Variants in PARP11 observed in about 807,000 individuals in gnomAD.
PARP11 encodes protein mono-ADP-ribosyltransferase PARP11.
In PARP11, 31 loss-of-function variants were observed where a neutral mutation model predicts 42.9. That is an observed-to-expected ratio of 0.72 (90% confidence interval 0.54 to 0.98). The LOEUF is 0.98. Ranked by LOEUF, PARP11 falls within the 50% of genes least tolerant of loss-of-function variation. The probability of loss-of-function intolerance (pLI) is 0.00; values close to 1 mark genes in which losing one functional copy is unlikely to be tolerated. For missense variants in PARP11, 365 were observed against 413.1 expected (o/e 0.88, Z 1.01); for synonymous variants, 137 against 127.3 (o/e 1.08, Z -0.51).
chr12:3,840,776 A>G lies in PARP11; in HGVS notation c.19-10758T>C, dbSNP rs1947869807. On this transcript the variant is annotated intron_variant, in intron 1 of 7. Transcript: ENST00000228820. The surrounding 1 kb of genome is among the most constrained non-coding windows in gnomAD (Gnocchi z 4.4). ...AGACCCGAACCAAGCATATTGGAGA[A>G]TATTACTGATGATAAATATGCAACA... 6.5e-7 allele frequency: 1 copy of G among 1,543,918 alleles called. No homozygotes were observed.
At chr12:3,839,250 C>T (rs1283589355) in intron 1 of PARP11, among the ~76,000 whole-genome samples, 1 of 150,974 alleles carries the variant, frequency 6.6e-6, no homozygotes, top group African/African-American at 2.4e-5. Flanking sequence ...CAGCCGGCGG[C>T]CTGGCCATGT....
chr12:3,829,335 G>A (rs1463014285), intron 2 of PARP11, among the ~76,000 whole-genome samples: 2 of 152,090 alleles, frequency 1.3e-5, no homozygotes, highest in African/African-American at 4.8e-5. Flanking sequence ...TACTTTCTAA[G>A]TGGCTCAAGT....
intron 1 of PARP11, among the ~76,000 whole-genome samples, chr12:3,838,437 G>T (rs560665620): frequency 8.6e-5 from 13 of 152,006 alleles, no homozygotes; most frequent in Admixed American, 2.0e-4. Flanking sequence ...AAATCTATGG[G>T]ATACAACAAA....
chr12:3,871,014 TAAG>T (rs1375088593), intron 1 of PARP11, among the ~76,000 whole-genome samples: 6 of 152,202 alleles, frequency 3.9e-5, no homozygotes, highest in African/African-American at 1.4e-4. Context: ...TCGAAAATAC[TAAG>T]ATGATGACTA....
chr12:3,839,380 G>C, intron 1 of PARP11: 3 of 1,551,586 alleles, frequency 1.9e-6, no homozygotes, highest in Non-Finnish European at 2.6e-6. Context: ...GCCCATGGAC[G>C]CCTATCTGCG....
chr12:3,822,184 A>G (rs1294195597), intron 4 of PARP11, 27 bp from the exon 5 acceptor site: 26 of 1,563,402 alleles, frequency 1.7e-5, no homozygotes, highest in Admixed American at 1.4e-4. Context: ...AGAAAACAAA[A>G]TATCAGAAGC....
chr12:3,842,995 C>T (rs138367999), intron 1 of PARP11, among the ~76,000 whole-genome samples: 122 of 152,290 alleles, frequency 8.0e-4, no homozygotes, highest in Middle Eastern at 3.4e-3. Flanking sequence ...TAGTCATAAA[C>T]TGGGCTCAGA....
intron 1 of PARP11, among the ~76,000 whole-genome samples, chr12:3,842,881 A>T (rs1947922425): frequency 6.6e-6 from 1 of 152,244 alleles, no homozygotes; most frequent in Non-Finnish European, 1.5e-5. Flanking sequence ...TGTGTGCTTT[A>T]TAGTGCTTAC....
intron 7 of PARP11, among the ~76,000 whole-genome samples, chr12:3,813,541 C>A (rs897795430): frequency 6.6e-6 from 1 of 152,204 alleles, no homozygotes; most frequent in Non-Finnish European, 1.5e-5. Context: ...ATTTATGTAA[C>A]ACCTTCTGAC....
intron 4 of PARP11, among the ~76,000 whole-genome samples, chr12:3,825,584 T>C (rs1947502138): frequency 6.6e-6 from 1 of 152,186 alleles, no homozygotes; most frequent in Non-Finnish European, 1.5e-5. Flanking sequence ...CCATAAGGCA[T>C]TTTGTAACTG....
In PARP11 at chr12:3,811,494, C is replaced by A. The variant is rs71534270; in HGVS notation, c.*629G>T. The A allele has an allele frequency of 0.015, 2,341 of 152,346 alleles. 34 individuals carry two copies. Among genetic ancestry groups the A allele is most frequent in the Middle Eastern group, 0.037 (11 of 294 alleles). The allele number at this position is 152,346 out of a possible 1,614,324, so 9.4% of individuals were successfully genotyped here. On this transcript the variant is annotated 3_prime_UTR_variant, in exon 8 of 8. Transcript: ENST00000228820. ...AATGACAGGATCAAGTCTGAGGCTGCAGCCTGCTATCCTAAGGCAACTGGA... is the reference window on the plus strand; with the variant it reads ...AATGACAGGATCAAGTCTGAGGCTGAAGCCTGCTATCCTAAGGCAACTGGA...
At chr12:3,852,789 AAG>A (rs1948120202) in intron 1 of PARP11, among the ~76,000 whole-genome samples, 1 of 152,184 alleles carries the variant, frequency 6.6e-6, no homozygotes, top group Non-Finnish European at 1.5e-5. Flanking sequence ...GAACACCACA[AAG>A]ATACTCCTTG....
chr12:3,859,896 G>T (rs1242877186), intron 1 of PARP11, among the ~76,000 whole-genome samples: 1 of 152,156 alleles, frequency 6.6e-6, no homozygotes, highest in African/African-American at 2.4e-5. Flanking sequence ...CCAACATAAA[G>T]ATGTAACAGT....
intron 1 of PARP11, chr12:3,839,320 G>A (rs1161919002): frequency 2.9e-5 from 44 of 1,526,886 alleles, no homozygotes; most frequent in Non-Finnish European, 3.6e-5. Flanking sequence ...GGCCGTCGGC[G>A]TCCCCGACGG....
chr12:3,842,412 T>G, intron 1 of PARP11: 2 of 1,609,696 alleles, frequency 1.2e-6, no homozygotes, highest in Non-Finnish European at 1.7e-6. Context: ...CAAGCAGAAG[T>G]CGGGATGAAG....
chr12:3,839,625 C>T, intron 1 of PARP11: 1 of 1,039,048 alleles, frequency 9.6e-7, no homozygotes, highest in Non-Finnish European at 1.5e-6. Flanking sequence ...AAATAAGTGC[C>T]CTTTCTCTTA....
intron 1 of PARP11, among the ~76,000 whole-genome samples, chr12:3,865,240 T>A (rs1948370447): frequency 6.6e-6 from 1 of 152,182 alleles, no homozygotes; most frequent in African/African-American, 2.4e-5. Flanking sequence ...TTCTTTCAAA[T>A]GTACTGAGAT....
chr12:3,841,954 G>A, intron 1 of PARP11: 3 of 1,609,226 alleles, frequency 1.9e-6, no homozygotes, highest in Non-Finnish European at 1.7e-6. Flanking sequence ...TGAAGCAAGT[G>A]TGAGCAGTAA....
Position 3,829,005 on chromosome 12 carries a change from A to G in PARP11, c.173T>C (p.Val58Ala). Reference sequence around the variant, plus strand: ...GCTTTTTTCGATATCTTCACTGCTAACTGAACACTGACTGTTGGTATCCGG... The same window carrying G: ...GCTTTTTTCGATATCTTCACTGCTAGCTGAACACTGACTGTTGGTATCCGG... ...FQPDTNSQCS[V>A]SSEDIEKSFK... The change falls in exon 3 of 8, where the codon GTT (valine) becomes GCT (alanine). Residue 58 changes from valine (V) to alanine (A), a missense_variant. Coordinates refer to ENST00000228820, the MANE Select transcript of PARP11 (RefSeq NM_020367.6). 2.5e-6 allele frequency: 4 copies of G among 1,614,072 alleles called. No homozygotes were observed. The highest frequency in any genetic ancestry group is 3.4e-6 in the Non-Finnish European group (4 of 1,179,932).
Sources: allele counts gnomAD v4.1 joint callset (sites outside exome capture counted in the v4.1 genomes callset), GRCh38; gene constraint gnomAD v4.1.1; non-coding constraint Gnocchi (gnomAD v3.1); transcripts MANE v1.5; gene names NCBI Gene and HGNC (gene_info 2026-07-23, HGNC 2026-07-21).